The following LRRTM4 variants were observed in gnomAD, a reference collection of about 807,000 sequenced individuals.
LRRTM4 encodes leucine rich repeat transmembrane neuronal 4.
LRRTM4 carries 25 observed loss-of-function variants against 47.6 expected under a neutral mutation model. The ratio of observed to expected loss-of-function variants is 0.53; its 90% confidence interval spans 0.38 to 0.73. The LOEUF (loss-of-function observed/expected upper bound fraction) is 0.73. Among genes scored for constraint, LRRTM4 ranks in the 30% least tolerant of loss-of-function variants. The pLI, the probability that LRRTM4 is intolerant of heterozygous loss-of-function variation, is 0.00. For missense variants in LRRTM4, 638 were observed against 713.4 expected (o/e 0.89, Z 1.20); for synonymous variants, 311 against 269.5 (o/e 1.15, Z -1.51).
At chr2:77,261,332 T>C (rs894528236) in intron 3 of LRRTM4, among the ~76,000 whole-genome samples, 1 of 152,096 alleles carries the variant, frequency 6.6e-6, no homozygotes, top group Non-Finnish European at 1.5e-5. Context: ...TATGCTCTAG[T>C]CAATGGGCTG....
chr2:77,507,685 G>A (rs546868675), intron 3 of LRRTM4, among the ~76,000 whole-genome samples: 6 of 151,962 alleles, frequency 3.9e-5, no homozygotes, highest in Admixed American at 1.3e-4. Context: ...CACACGCCAC[G>A]CCCCAAAGGT....
At chr2:77,169,977 T>C (rs1364422920) in intron 3 of LRRTM4, among the ~76,000 whole-genome samples, 2 of 152,214 alleles carry the variant, frequency 1.3e-5, no homozygotes, top group East Asian at 1.9e-4. Flanking sequence ...TTTGAACTTC[T>C]AGAAAATTAT....
intron 3 of LRRTM4, among the ~76,000 whole-genome samples, chr2:77,126,448 C>T (rs1222992596): frequency 6.6e-6 from 1 of 152,150 alleles, no homozygotes; most frequent in African/African-American, 2.4e-5. Flanking sequence ...TGTATCTTCT[C>T]TTTGCCTCTA....
At chr2:77,094,643 T>C (rs986158563) in intron 3 of LRRTM4, among the ~76,000 whole-genome samples, 3 of 152,308 alleles carry the variant, frequency 2.0e-5, no homozygotes, top group East Asian at 1.9e-4. Flanking sequence ...TTGTGGTCAA[T>C]TGATTTTTTA....
intron 3 of LRRTM4, among the ~76,000 whole-genome samples, chr2:76,830,196 T>C (rs1671307296): frequency 6.6e-6 from 1 of 152,072 alleles, no homozygotes; most frequent in Non-Finnish European, 1.5e-5. Flanking sequence ...GATTCTTCCA[T>C]ATCTATAGTG....
chr2:77,407,442 T>G (rs1674238477), intron 3 of LRRTM4, among the ~76,000 whole-genome samples: 2 of 151,234 alleles, frequency 1.3e-5, no homozygotes. Context: ...GAACATCTAG[T>G]TTTGAGCGCA....
chr2:77,451,491 T>A (rs959053788), intron 3 of LRRTM4, among the ~76,000 whole-genome samples: 3 of 152,194 alleles, frequency 2.0e-5, no homozygotes, highest in African/African-American at 7.2e-5. Context: ...CACTTCTGTC[T>A]CATTTTGGAT....
intron 3 of LRRTM4, among the ~76,000 whole-genome samples, chr2:77,415,569 T>C (rs528452939): frequency 2.6e-5 from 4 of 152,298 alleles, no homozygotes; most frequent in African/African-American, 7.2e-5. Context: ...CTTTTGCACA[T>C]ACTGTTCATT....
At chr2:77,230,744 T>G (rs1288035573) in intron 3 of LRRTM4, among the ~76,000 whole-genome samples, 1 of 152,154 alleles carries the variant, frequency 6.6e-6, no homozygotes, top group Admixed American at 6.6e-5. Context: ...GTTGTAATAA[T>G]AATGTCAACA....
rs114258681 is a variant in LRRTM4 at position 77,261,527 on chromosome 2, A to T, written c.1551+256791T>A. ...CCCCTAGTGTCTCAAACTGGAAATG[A>T]AACATGAGAAATAAATAAAGCTGGA... is the stretch of plus-strand genomic sequence containing the variant. On this transcript the variant is annotated intron_variant, in intron 3 of 3. Transcript: ENST00000409884. 6.0e-3 allele frequency among the ~76,000 whole-genome samples: 914 copies of T among 152,186 alleles called. 7 individuals carry two copies. The highest frequency in any genetic ancestry group is 0.021 in the African/African-American group (867 of 41,534).
chr2:77,227,859 T>C lies in LRRTM4; in HGVS notation c.1551+290459A>G, dbSNP rs910320902. On this transcript the variant is annotated intron_variant, in intron 3 of 3. Transcript: ENST00000409884. The stretch of plus-strand genomic sequence containing the variant: ...CTAGTCATTAAAATATGGTTATACT[T>C]TCCAGCCTTTTTCTTATGCATATGT... Among the ~76,000 whole-genome samples, 6 of 152,246 alleles carry C rather than the reference T, an allele frequency of 3.9e-5. No individual in the cohort carries two copies. In the East Asian group the frequency reaches 1.2e-3, roughly 29 times the overall value.
intron 3 of LRRTM4, among the ~76,000 whole-genome samples, chr2:77,068,815 T>C (rs1680048912): frequency 6.6e-6 from 1 of 152,188 alleles, no homozygotes; most frequent in Non-Finnish European, 1.5e-5. Flanking sequence ...CTGTAACATG[T>C]TCATGATGGC....
intron 3 of LRRTM4, among the ~76,000 whole-genome samples, chr2:76,947,809 G>A (rs949150906): frequency 2.6e-5 from 4 of 151,770 alleles, no homozygotes; most frequent in African/African-American, 9.7e-5. Flanking sequence ...TTGAAAGTGT[G>A]TGTTTCATTA....
At position 77,120,997 on chromosome 2, in the gene LRRTM4, C is replaced by T. The variant is rs115224653; in HGVS notation, c.1552-372081G>A. ...TGAAAAAAGAAACACAGTAGATCTACGTATCTGTGTACGGGCTATGTGTGT... is the reference window on the plus strand; with the variant it reads ...TGAAAAAAGAAACACAGTAGATCTATGTATCTGTGTACGGGCTATGTGTGT... On this transcript the variant is annotated intron_variant, in intron 3 of 3. Coordinates refer to ENST00000409884, the MANE Select transcript of LRRTM4 (RefSeq NM_001134745.3). Among the ~76,000 whole-genome samples the T allele has an allele frequency of 9.6e-3, 1,453 of 151,772 alleles. 20 individuals carry two copies. Among genetic ancestry groups the T allele is most frequent in the Middle Eastern group, 0.041 (12 of 294 alleles).
rs531325269 is a variant in LRRTM4 at position 76,908,086 on chromosome 2, A to C, written c.1552-159170T>G. On this transcript the variant is annotated intron_variant, in intron 3 of 3. Transcript: ENST00000409884. ...TATCCTTGATGAACATTGATGCAAA[A>C]ATCCTCAATAAAATACTGGCAAACC... Among the ~76,000 whole-genome samples the C allele has an allele frequency of 4.2e-3, 640 of 151,864 alleles. 2 individuals carry two copies. The highest frequency in any genetic ancestry group is 6.7e-3 in the Non-Finnish European group (454 of 67,984).
intron 3 of LRRTM4, among the ~76,000 whole-genome samples, chr2:76,779,946 A>C (rs1247972764): frequency 2.0e-5 from 3 of 151,592 alleles, no homozygotes; most frequent in South Asian, 4.2e-4. Flanking sequence ...AGCTCTTGTA[A>C]GGCAGGCCTG....
In LRRTM4 at chr2:76,998,638, C is replaced by T. The variant is rs140188359; in HGVS notation, c.1552-249722G>A. On this transcript the variant is annotated intron_variant, in intron 3 of 3. Coordinates refer to ENST00000409884, the MANE Select transcript of LRRTM4 (RefSeq NM_001134745.3). ...TGTACACATTGAAGTCTGACATCCA[C>T]TGCTATAAAATTTACGTGTATCCCG... Among the ~76,000 whole-genome samples the T allele has an allele frequency of 4.9e-3, 747 of 152,010 alleles. 9 individuals are homozygous for T. The highest frequency in any genetic ancestry group is 0.017 in the African/African-American group (697 of 41,426).
chr2:77,416,342 T>A (rs939272980), intron 3 of LRRTM4, among the ~76,000 whole-genome samples: 1 of 152,078 alleles, frequency 6.6e-6, no homozygotes, highest in African/African-American at 2.4e-5. Context: ...CTTTGGGACA[T>A]TTTGCAACAA....
rs912833002 is a variant in LRRTM4 at position 77,136,965 on chromosome 2, A to C, written c.1551+381353T>G. On this transcript the variant is annotated intron_variant, in intron 3 of 3. Transcript: ENST00000409884. ...GAAATGAACAAAGCCTCCAAGAAAT[A>C]TGGGACTATGTGAAAAGACCAAATC... Among the ~76,000 whole-genome samples, 6 of 151,962 alleles carry C rather than the reference A, an allele frequency of 3.9e-5. 1 individual carries two copies. The highest frequency in any genetic ancestry group is 1.5e-4 in the African/African-American group (6 of 41,232).
Sources: gnomAD v4.1 joint callset for allele counts (sites outside exome capture counted in the v4.1 genomes callset) on GRCh38, gnomAD v4.1.1 for gene constraint, MANE v1.5 for transcripts, NCBI Gene and HGNC (gene_info 2026-07-23, HGNC 2026-07-21) for gene names.